The following PGM1 variants were observed in gnomAD, a reference collection of about 807,000 sequenced individuals.
PGM1 encodes phosphoglucomutase-1.
Under a neutral mutation model 55.6 loss-of-function variants are expected in PGM1, and 52 were observed. The observed-to-expected ratio is 0.94, with a 90% CI of 0.75 to 1.18. The LOEUF (loss-of-function observed/expected upper bound fraction) is 1.18. Among genes scored for constraint, PGM1 ranks in the 50% most tolerant of loss-of-function variants. PGM1 has a pLI of 0.00. For missense variants in PGM1, 724 were observed against 729.3 expected (o/e 0.99, Z 0.08); for synonymous variants, 287 against 271.7 (o/e 1.06, Z -0.55).
rs116590701 is a variant in PGM1 at position 63,654,226 on chromosome 1, A to G, written c.1465-106A>G. On this transcript the variant is annotated intron_variant, in intron 9 of 10. Transcript: ENST00000371084. ...CATTTATCAAGGATTTAACCCTCCA[A>G]TGAACAAGTATGGATGAAATTACAT... 3.2e-3 allele frequency: 3,626 copies of G among 1,149,442 alleles called. 93 individuals carry two copies. In the African/African-American group the frequency reaches 0.05, roughly 16 times the overall value. The allele number at this position is 1,149,442 out of a possible 1,614,324, so 71.2% of individuals were successfully genotyped here.
intron 1 of PGM1, among the ~76,000 whole-genome samples, chr1:63,617,639 G>A (rs1434964181): frequency 6.7e-6 from 1 of 148,270 alleles, no homozygotes; most frequent in Non-Finnish European, 1.5e-5. Context: ...GGAGGCTGAG[G>A]CACGAGAATT....
intron 1 of PGM1, among the ~76,000 whole-genome samples, chr1:63,604,311 C>T (rs1310367971): frequency 6.6e-6 from 1 of 152,128 alleles, no homozygotes; most frequent in Non-Finnish European, 1.5e-5. Context: ...GGTCAGCAGG[C>T]CAAGACTAGC....
intron 7 of PGM1, among the ~76,000 whole-genome samples, chr1:63,645,950 CACAA>C (rs1176467715): frequency 6.6e-6 from 1 of 152,106 alleles, no homozygotes; most frequent in African/African-American, 2.4e-5. Flanking sequence ...GAGAAAGGCT[CACAA>C]ACAGATGGTT....
rs959308468 is a variant in PGM1, at chr1:63,638,739, T to C, written c.1083T>C (p.Phe361=). ...ALYETPTGWK[F]FGNLMDASKL... is the part of the protein sequence containing the mutation. ...ATGAGACCCCAACTGGCTGGAAGTT[T>C]TTTGGGAATTTGATGGACGCGAGCA... Residue 361 remains phenylalanine (F), a synonymous_variant, in exon 7 of 11, where the codon TTT becomes TTC. Coordinates refer to ENST00000371084, the MANE Select transcript of PGM1 (RefSeq NM_002633.3). 8.7e-6 allele frequency: 14 copies of C among 1,614,100 alleles called. No homozygotes were observed. Among genetic ancestry groups the C allele is most frequent in the Non-Finnish European group, 1.1e-5 (13 of 1,179,990 alleles).
At chr1:63,640,195 G>A (rs556813003) in intron 7 of PGM1, among the ~76,000 whole-genome samples, 6 of 152,190 alleles carry the variant, frequency 3.9e-5, no homozygotes, top group Non-Finnish European at 8.8e-5. Flanking sequence ...CTTTATGAAT[G>A]AAGATGTCTT....
chr1:63,594,329 C>T (rs1217403045), intron 1 of PGM1, among the ~76,000 whole-genome samples: 2 of 152,170 alleles, frequency 1.3e-5, no homozygotes, highest in East Asian at 1.9e-4. Flanking sequence ...AATCTTTTCT[C>T]CCCGCCCCCT....
Position 63,631,723 on chromosome 1 carries a change from T to G in PGM1, c.623T>G (p.Leu208Arg). 1 of 1,612,540 alleles carries G rather than the reference T, an allele frequency of 6.2e-7. No homozygotes were observed. The highest frequency in any genetic ancestry group is 8.5e-7 in the Non-Finnish European group (1 of 1,178,586). The stretch of plus-strand genomic sequence containing the variant: ...AGAAGCATCTTTGATTTCAGTGCAC[T>G]GAAAGAACTACTTTCTGGGCCAAAC... ...MLRSIFDFSA[L>R]KELLSGPNRL... Residue 208 changes from leucine (L) to arginine (R), a missense_variant, in exon 4 of 11, where the codon CTG (leucine) becomes CGG (arginine). Physicochemically the swap from Leu to Arg is moderately radical, Grantham distance 102. Around this residue, in one of 3 missense-constraint regions of PGM1, gnomAD observed 379 missense variants for 357.5 expected, o/e 1.06. Coordinates refer to ENST00000371084, the MANE Select transcript of PGM1 (RefSeq NM_002633.3).
intron 6 of PGM1, among the ~76,000 whole-genome samples, chr1:63,638,323 G>A (rs1649415733): frequency 6.6e-6 from 1 of 152,178 alleles, no homozygotes; most frequent in East Asian, 1.9e-4. Context: ...GATTACAGGT[G>A]CATCAAAACA....
Position 63,651,786 on chromosome 1 carries a change from C to T in PGM1, c.1398C>T (p.Tyr466=). ...AGTTCTCAGCAAATGACAAAGTTTACACTGTGGAGAAGGCCGATAACTTTG... is the reference window on the plus strand; with the variant it reads ...AGTTCTCAGCAAATGACAAAGTTTATACTGTGGAGAAGGCCGATAACTTTG... ...GKQFSANDKV[Y]TVEKADNFEY... Residue 466 remains tyrosine, a synonymous_variant, in exon 9 of 11, where the codon TAC becomes TAT. Coordinates refer to ENST00000371084, the MANE Select transcript of PGM1 (RefSeq NM_002633.3). 6.2e-7 allele frequency: 1 copy of T among 1,613,968 alleles called. No homozygotes were observed. The highest frequency in any genetic ancestry group is 8.5e-7 in the Non-Finnish European group (1 of 1,179,908).
chr1:63,651,292 C>T (rs144286476), intron 8 of PGM1: 5 of 227,422 alleles, frequency 2.2e-5, no homozygotes, highest in African/African-American at 1.2e-4. Context: ...GAGTCACGTG[C>T]TCCTTTCAAG....
In PGM1 at chr1:63,629,528, G is replaced by A; in HGVS notation, c.350G>A (p.Ser117Asn). The A allele has an allele frequency of 6.2e-7, 1 of 1,613,918 alleles. No homozygotes were observed. The highest frequency in any genetic ancestry group is 8.5e-7 in the Non-Finnish European group (1 of 1,179,864). The change falls in exon 2 of 11, where the codon AGT (serine) becomes AAT (asparagine). Residue 117 changes from serine (S) to asparagine (N), a missense_variant. Ser to Asn is a conservative substitution (Grantham distance 46). Coordinates refer to ENST00000371084, the MANE Select transcript of PGM1 (RefSeq NM_002633.3). ...ATTGGTGGGATCATTCTGACAGCCA[G>A]TCACAACCCAGGGGGCCCCAATGGA... ...KAIGGIILTA[S>N]HNPGGPNGDF...
rs1371701508 is a variant in PGM1 at position 63,654,354 on chromosome 1, A to G, written c.1487A>G (p.Asp496Gly). The change falls in exon 10 of 11, where the codon GAT becomes GGT. Residue 496 changes from aspartate to glycine, a missense_variant. Coordinates refer to ENST00000371084, the MANE Select transcript of PGM1 (RefSeq NM_002633.3). ...CAGGGCTTGCGCCTCATTTTCACAG[A>G]TGGTTCTCGAATCGTCTTCCGACTG... The part of the protein sequence containing the change: ...RNQGLRLIFT[D>G]GSRIVFRLSG... 5 of 1,613,984 alleles carry G rather than the reference A, an allele frequency of 3.1e-6. No individual in the cohort carries two copies. The East Asian group carries it at 1.1e-4, about 36-fold the overall frequency.
intron 5 of PGM1, 79 bp downstream of exon 5, chr1:63,635,098 C>T: frequency 3.4e-6 from 4 of 1,187,464 alleles, no homozygotes; most frequent in Middle Eastern, 2.5e-4. Flanking sequence ...TGGGCTGCTT[C>T]TGCCAGACCC....
rs1387239225 is a variant in PGM1, at chr1:63,651,791, TGGA to T, written c.1405_1407del (p.Glu469del). 3 of 1,614,018 alleles carry T rather than the reference TGGA, an allele frequency of 1.9e-6. No individual in the cohort carries two copies. The South Asian group carries it at 3.3e-5, about 18-fold the overall frequency. ...TCAGCAAATGACAAAGTTTACACTGTGGAGAAGGCCGATAACTTTGAATACAGC... is the reference window on the plus strand; with the variant it reads ...TCAGCAAATGACAAAGTTTACACTGTGAAGGCCGATAACTTTGAATACAGC... On this transcript the variant is annotated inframe_deletion, in exon 9 of 11. Transcript: ENST00000371084.
intron 1 of PGM1, among the ~76,000 whole-genome samples, chr1:63,619,865 A>T (rs1187977024): frequency 6.6e-6 from 1 of 152,152 alleles, no homozygotes; most frequent in Non-Finnish European, 1.5e-5. Context: ...AACCCCACTC[A>T]GAATGTGAGA....
At chr1:63,603,097 C>T (rs914089713) in intron 1 of PGM1, among the ~76,000 whole-genome samples, 4 of 152,184 alleles carry the variant, frequency 2.6e-5, no homozygotes, top group African/African-American at 9.7e-5. Context: ...CCCCCCAACT[C>T]CGTATTTTTG....
intron 1 of PGM1, among the ~76,000 whole-genome samples, chr1:63,620,946 A>G: frequency 6.6e-6 from 1 of 152,204 alleles, no homozygotes; most frequent in East Asian, 1.9e-4. Context: ...GAGAGCTAAA[A>G]CAAATGAGTT....
chr1:63,644,577 G>A (rs1649602880), intron 7 of PGM1, among the ~76,000 whole-genome samples: 1 of 152,138 alleles, frequency 6.6e-6, no homozygotes, highest in African/African-American at 2.4e-5. Context: ...AGTGGAAAAT[G>A]TAATAATTTT....
intron 1 of PGM1, among the ~76,000 whole-genome samples, chr1:63,606,881 C>A (rs1010387789): frequency 6.6e-6 from 1 of 152,140 alleles, no homozygotes; most frequent in African/African-American, 2.4e-5. Context: ...TTGGAAGAGA[C>A]CTTGGCCGTC....
Sources: gnomAD v4.1 joint callset for allele counts (sites outside exome capture counted in the v4.1 genomes callset) on GRCh38, gnomAD v4.1.1 for gene constraint, gnomAD v4.1.1 regional missense constraint, MANE v1.5 for transcripts, NCBI Gene and HGNC (gene_info 2026-07-23, HGNC 2026-07-21) for gene names.